Variants in SRGAP3 observed in about 807,000 individuals in gnomAD.
SRGAP3 encodes the protein SLIT-ROBO Rho GTPase-activating protein 3.
Under a neutral mutation model 121.1 loss-of-function variants are expected in SRGAP3, and 39 were observed. The ratio of observed to expected loss-of-function variants is 0.32; its 90% CI spans 0.25 to 0.42. SRGAP3 has a LOEUF of 0.42. Among genes scored for constraint, SRGAP3 ranks in the 10% least tolerant of loss-of-function variants. The probability of loss-of-function intolerance (pLI) is 1.00; values close to 1 mark genes in which losing one functional copy is unlikely to be tolerated. For synonymous variants in SRGAP3, 601 were observed against 570.0 expected (o/e 1.05, Z -0.77); for missense variants, 1,213 against 1,470.6 (o/e 0.82, Z 2.86).
chr3:9,300,012 T>C lies in SRGAP3; in HGVS notation n.442+25998A>G, dbSNP rs183194766. 7.9e-5 allele frequency among the ~76,000 whole-genome samples: 12 copies of C among 151,394 alleles called. No homozygotes were observed. In the East Asian group the frequency reaches 2.4e-3, roughly 30 times the overall value. On this transcript the variant is annotated intron_variant and non_coding_transcript_variant, in intron 3 of 3. Coordinates refer to the SRGAP3 transcript ENST00000490889. ...CATGTTACTTCATCTCTCTGCAACA[T>C]TTTTCCCATATGTAAACTGAGGTAA...
intron 1 of SRGAP3, among the ~76,000 whole-genome samples, chr3:9,341,164 C>T (rs1032810305): frequency 6.6e-6 from 1 of 152,168 alleles, no homozygotes; most frequent in African/African-American, 2.4e-5. Context: ...TAAACACCCT[C>T]GCTCCAGATA....
intron 4 of SRGAP3, among the ~76,000 whole-genome samples, chr3:9,077,428 T>C (rs1357642651): frequency 2.0e-5 from 3 of 152,138 alleles, no homozygotes; most frequent in Non-Finnish European, 4.4e-5. Flanking sequence ...AGGCAACAAA[T>C]GATCGAATTT....
chr3:9,008,529 G>T (rs757849683), intron 18 of SRGAP3, among the ~76,000 whole-genome samples: 1 of 152,164 alleles, frequency 6.6e-6, no homozygotes, highest in Non-Finnish European at 1.5e-5. Flanking sequence ...GCAACAGATG[G>T]AGAGGACAGG....
intron 14 of SRGAP3, among the ~76,000 whole-genome samples, chr3:9,018,978 C>A (rs764774506): frequency 6.6e-6 from 1 of 152,192 alleles, no homozygotes; most frequent in Non-Finnish European, 1.5e-5. Context: ...AAATAAACTT[C>A]TTTCTTCACT....
intron 11 of SRGAP3, 60 bp downstream of exon 11, chr3:9,038,003 C>A (rs956821795): frequency 6.2e-7 from 1 of 1,610,190 alleles, no homozygotes. Flanking sequence ...GCCTCCCCAG[C>A]CCCATCCCAC....
At chr3:9,063,198 T>A (rs1347414940) in intron 5 of SRGAP3, among the ~76,000 whole-genome samples, 1 of 146,098 alleles carries the variant, frequency 6.8e-6, no homozygotes, top group Non-Finnish European at 1.5e-5. Flanking sequence ...AGTGATGTGA[T>A]CATGGCTCAC....
intron 3 of SRGAP3, among the ~76,000 whole-genome samples, chr3:9,296,002 T>C (rs550817756): frequency 1.3e-5 from 2 of 152,228 alleles, no homozygotes; most frequent in African/African-American, 4.8e-5. Context: ...TAATATTCAT[T>C]GTATACTTAG....
intron 1 of SRGAP3, among the ~76,000 whole-genome samples, chr3:9,222,055 A>G (rs1210257205): frequency 1.3e-5 from 2 of 152,190 alleles, no homozygotes; most frequent in African/African-American, 4.8e-5. Context: ...TCTCTTGTCA[A>G]TCCCATCCCA....
chr3:9,353,181 T>C (rs947806074), intron 1 of SRGAP3, among the ~76,000 whole-genome samples: 5 of 152,248 alleles, frequency 3.3e-5, no homozygotes, highest in Non-Finnish European at 5.9e-5. Context: ...GCTATCCATG[T>C]TTACCTACAA....
chr3:9,188,191 G>GA (rs1481619271), intron 1 of SRGAP3, among the ~76,000 whole-genome samples: 14 of 152,166 alleles, frequency 9.2e-5, no homozygotes, highest in African/African-American at 3.1e-4. Flanking sequence ...GCTGACAACT[G>GA]AAAAATCCAT....
chr3:9,032,744 CA>C lies in SRGAP3; in HGVS notation c.1444del (p.Cys482ValfsTer9). On this transcript the variant is annotated frameshift_variant, in exon 12 of 22. Transcript: ENST00000383836. LOFTEE classifies it high-confidence loss of function. ...CATTTTCTGTGGTTTAGGGGGAAGA[CA>C]GGGGGGCCTAGGGGAAAACGGAACA... is the stretch of plus-strand genomic sequence containing the variant. ...RAECGTTRPP[C>X]LPPKPQKMRR... The C allele has an allele frequency of 1.2e-6, 2 of 1,612,934 alleles. No individual in the cohort carries two copies. The highest frequency in any genetic ancestry group is 1.7e-6 in the Non-Finnish European group (2 of 1,179,806).
rs564151193 is a variant in SRGAP3, at chr3:9,136,800, T to C, written c.68-11883A>G. 3.3e-5 allele frequency among the ~76,000 whole-genome samples: 5 copies of C among 152,320 alleles called. No individual in the cohort carries two copies. In the South Asian group the frequency reaches 1.0e-3, roughly 32 times the overall value. On this transcript the variant is annotated intron_variant, in intron 1 of 21. Transcript: ENST00000383836. The stretch of plus-strand genomic sequence containing the variant: ...GCCAGGAGCTTCCTGGGTCTATCCC[T>C]GATCCCCACGGTTCCTGCGGAGTCT...
intron 3 of SRGAP3, among the ~76,000 whole-genome samples, chr3:9,322,020 G>A (rs917101912): frequency 2.6e-5 from 4 of 151,486 alleles, no homozygotes; most frequent in Non-Finnish European, 5.9e-5. Context: ...AGGAAAGGAA[G>A]AAAAAGGCAA....
intron 1 of SRGAP3, among the ~76,000 whole-genome samples, chr3:9,221,248 T>C (rs947425137): frequency 2.0e-5 from 3 of 152,210 alleles, no homozygotes; most frequent in African/African-American, 4.8e-5. Context: ...TCTAAAGTTA[T>C]CTCCGGCCAG....
At chr3:9,238,606 C>A (rs919149532) in intron 1 of SRGAP3, among the ~76,000 whole-genome samples, 1 of 152,090 alleles carries the variant, frequency 6.6e-6, no homozygotes, top group Non-Finnish European at 1.5e-5. Context: ...TGCACCCTGC[C>A]CAACTCATCC....
chr3:9,231,757 T>C (rs912034893), intron 1 of SRGAP3, among the ~76,000 whole-genome samples: 2 of 152,156 alleles, frequency 1.3e-5, no homozygotes, highest in Non-Finnish European at 2.9e-5. Flanking sequence ...GGACAAAAAA[T>C]AGAAATAATG....
intron 3 of SRGAP3, among the ~76,000 whole-genome samples, chr3:9,260,255 G>GC (rs1559248316): frequency 6.6e-6 from 1 of 152,110 alleles, no homozygotes. Flanking sequence ...AGCTGCAGGA[G>GC]TTTTTTTCGT....
chr3:9,215,528 C>T (rs539354108), intron 1 of SRGAP3, among the ~76,000 whole-genome samples: 1 of 152,350 alleles, frequency 6.6e-6, no homozygotes, highest in Admixed American at 6.5e-5. Flanking sequence ...GAATCAGGGA[C>T]ACCCAGATCT....
At chr3:9,237,118 G>A (rs1559233755) in intron 1 of SRGAP3, among the ~76,000 whole-genome samples, 1 of 152,160 alleles carries the variant, frequency 6.6e-6, no homozygotes, top group Non-Finnish European at 1.5e-5. Flanking sequence ...GGGAAAGACT[G>A]GATCTGCTTC....
Sources: allele counts gnomAD v4.1 joint callset (sites outside exome capture counted in the v4.1 genomes callset), GRCh38; gene constraint gnomAD v4.1.1; transcripts MANE v1.5; gene names NCBI Gene and HGNC (gene_info 2026-07-23, HGNC 2026-07-21).